The following ATRNL1 variants were observed in gnomAD, a reference collection of about 807,000 sequenced individuals.
ATRNL1 encodes the protein attractin-like protein 1.
Under a neutral mutation model 182.7 loss-of-function variants are expected in ATRNL1, and 95 were observed. The ratio of observed to expected loss-of-function variants is 0.52; its 90% confidence interval spans 0.44 to 0.62. The LOEUF (loss-of-function observed/expected upper bound fraction) is 0.62, where lower values mean the gene tolerates loss of function less well. ATRNL1 is among the 20% of genes least tolerant of loss of function. The pLI, the probability that ATRNL1 is intolerant of heterozygous loss-of-function variation, is 0.00. For synonymous variants in ATRNL1, 576 were observed against 568.3 expected, an observed-to-expected ratio of 1.01 and a Z score of -0.19; for missense variants, 1,471 against 1,679.5, an observed-to-expected ratio of 0.88 and a Z score of 2.17.
intron 8 of ATRNL1, among the ~76,000 whole-genome samples, chr10:115,209,980 G>A (rs1848957716): frequency 6.6e-6 from 1 of 151,876 alleles, no homozygotes. Context: ...GAAACATTGA[G>A]GTAGTACAAG....
At chr10:115,442,030 GTT>G (rs1554965833) in intron 21 of ATRNL1, among the ~76,000 whole-genome samples, 1 of 151,922 alleles carries the variant, frequency 6.6e-6, no homozygotes, top group African/African-American at 2.4e-5. Context: ...TCCTTGTGTA[GTT>G]TTCCCATTTT....
intron 26 of ATRNL1, among the ~76,000 whole-genome samples, chr10:115,660,648 G>A (rs1464159121): frequency 6.6e-6 from 1 of 152,032 alleles, no homozygotes; most frequent in Non-Finnish European, 1.5e-5. Flanking sequence ...AATGAACAGG[G>A]TGACAAACCT....
chr10:115,432,506 T>A (rs918841960), intron 21 of ATRNL1, among the ~76,000 whole-genome samples: 1 of 152,176 alleles, frequency 6.6e-6, no homozygotes, highest in Non-Finnish European at 1.5e-5. Flanking sequence ...TAATAGAAAC[T>A]ATTCTAATTT....
intron 27 of ATRNL1, among the ~76,000 whole-genome samples, chr10:115,791,022 A>T (rs1265838114): frequency 6.6e-6 from 1 of 152,238 alleles, no homozygotes; most frequent in African/African-American, 2.4e-5. Flanking sequence ...GGTAATTAGA[A>T]TCTGTCTAAT....
intron 26 of ATRNL1, among the ~76,000 whole-genome samples, chr10:115,714,330 GAAAA>G (rs34155651): frequency 6.8e-6 from 1 of 147,420 alleles, no homozygotes; most frequent in Non-Finnish European, 1.5e-5. Flanking sequence ...TGGGTGAAAA[GAAAA>G]AAAAAAACTC....
chr10:115,440,711 A>G (rs1227035627), intron 21 of ATRNL1, among the ~76,000 whole-genome samples: 1 of 151,792 alleles, frequency 6.6e-6, no homozygotes, highest in Admixed American at 6.6e-5. Context: ...GCAAAATCCA[A>G]ACTGGTTAAT....
intron 9 of ATRNL1, among the ~76,000 whole-genome samples, chr10:115,216,622 G>T (rs2144411359): frequency 1.3e-5 from 2 of 151,064 alleles, no homozygotes; most frequent in East Asian, 1.9e-4. Flanking sequence ...GATTTTTTTG[G>T]TTATAGAAGT....
intron 23 of ATRNL1, 59 bp downstream of exon 23, chr10:115,467,311 A>G: frequency 8.3e-7 from 1 of 1,199,532 alleles, no homozygotes; most frequent in Non-Finnish European, 1.2e-6. Flanking sequence ...AAGTTGTTCT[A>G]ACATGATCTA....
intron 20 of ATRNL1, among the ~76,000 whole-genome samples, chr10:115,412,331 T>C (rs1311153261): frequency 1.3e-5 from 2 of 152,172 alleles, no homozygotes; most frequent in Non-Finnish European, 2.9e-5. Context: ...GTTAGTCCTC[T>C]GATTAAAACC....
intron 9 of ATRNL1, among the ~76,000 whole-genome samples, chr10:115,226,836 C>T (rs55801937): frequency 6.6e-6 from 1 of 152,046 alleles, no homozygotes; most frequent in African/African-American, 2.4e-5. Context: ...GGAAAGGACT[C>T]CCTATTCAAT....
In ATRNL1 at chr10:115,160,069, A is replaced by G; in HGVS notation, c.859A>G (p.Thr287Ala). 1.2e-6 allele frequency: 2 copies of G among 1,610,672 alleles called. No individual in the cohort carries two copies. Among genetic ancestry groups the G allele is most frequent in the Non-Finnish European group, 1.7e-6 (2 of 1,178,472 alleles). The change falls in exon 6 of 29, where the codon ACT (threonine) becomes GCT (alanine). Residue 287 changes from threonine to alanine, a missense_variant. Thr to Ala is a moderately conservative substitution (Grantham distance 58). Around this residue, in one of 3 missense-constraint regions of ATRNL1, gnomAD observed 1,031 missense variants for 1,156.0 expected, o/e 0.89. Coordinates refer to ENST00000355044, the MANE Select transcript of ATRNL1 (RefSeq NM_207303.4). Reference protein sequence around the residue: ...GPDCSLNVPSTESYWILPNVK... With the variant: ...GPDCSLNVPSAESYWILPNVK... ...TGATTGTTCTTTGAATGTTCCCTCT[A>G]CTGAGTCTTACTGGATTCTGCCAAA... is the stretch of plus-strand genomic sequence containing the variant.
At chr10:115,681,923 A>G (rs1260227245) in intron 26 of ATRNL1, among the ~76,000 whole-genome samples, 1 of 152,174 alleles carries the variant, frequency 6.6e-6, no homozygotes, top group African/African-American at 2.4e-5. Flanking sequence ...TCTGAAACAC[A>G]TTACCATAAA....
At chr10:115,896,662 A>G (rs1173857304) in intron 28 of ATRNL1, among the ~76,000 whole-genome samples, 2 of 152,186 alleles carry the variant, frequency 1.3e-5, no homozygotes, top group African/African-American at 4.8e-5. Context: ...AAGAAAAAGA[A>G]TACAGAAATA....
chr10:115,834,636 G>A (rs1333986900), intron 27 of ATRNL1, among the ~76,000 whole-genome samples: 1 of 152,156 alleles, frequency 6.6e-6, no homozygotes, highest in African/African-American at 2.4e-5. Context: ...ACAGGCAGCT[G>A]TTGTCGGATT....
intron 26 of ATRNL1, among the ~76,000 whole-genome samples, chr10:115,723,552 A>ATTTATTTATTTATTTATTTT (rs1555058711): frequency 6.6e-6 from 1 of 151,084 alleles, no homozygotes; most frequent in East Asian, 1.9e-4. Flanking sequence ...TTATTTATTT[A>ATTTATTTATTTATTTATTTT]TTTATTTATT....
intron 27 of ATRNL1, among the ~76,000 whole-genome samples, chr10:115,733,920 TA>T (rs1947873794): frequency 6.6e-6 from 1 of 152,154 alleles, no homozygotes; most frequent in African/African-American, 2.4e-5. Flanking sequence ...CCAGAACTTT[TA>T]TTTCTTTCCA....
intron 19 of ATRNL1, among the ~76,000 whole-genome samples, chr10:115,339,477 A>T (rs1855639498): frequency 6.6e-6 from 1 of 152,052 alleles, no homozygotes; most frequent in Non-Finnish European, 1.5e-5. Flanking sequence ...GCTATTATAA[A>T]TGGGATTACT....
chr10:115,781,054 A>G (rs976670397), intron 27 of ATRNL1, among the ~76,000 whole-genome samples: 15 of 152,234 alleles, frequency 9.9e-5, no homozygotes, highest in Non-Finnish European at 1.9e-4. Context: ...ATACTTGAGG[A>G]GACACTTCAC....
intron 26 of ATRNL1, among the ~76,000 whole-genome samples, chr10:115,687,404 A>G (rs918777116): frequency 9.2e-5 from 14 of 152,054 alleles, no homozygotes; most frequent in Admixed American, 7.2e-4. Flanking sequence ...GCTTAGCATA[A>G]TGTCCTCTGG....
Sources: gnomAD v4.1 joint callset for allele counts (sites outside exome capture counted in the v4.1 genomes callset) on GRCh38, gnomAD v4.1.1 for gene constraint, gnomAD v4.1.1 regional missense constraint, MANE v1.5 for transcripts, NCBI Gene and HGNC (gene_info 2026-07-23, HGNC 2026-07-21) for gene names.